ADCY8: variants seen among roughly 807,000 people sequenced by gnomAD.
ADCY8 encodes adenylate cyclase type 8.
In ADCY8, 51 loss-of-function variants were observed where a neutral mutation model predicts 119.7. The ratio of observed to expected loss-of-function variants is 0.43; its 90% confidence interval spans 0.34 to 0.54. ADCY8 has a LOEUF of 0.54. Among genes scored for constraint, ADCY8 ranks in the 20% least tolerant of loss-of-function variants. The probability of loss-of-function intolerance (pLI) is 0.03; values close to 1 mark genes in which losing one functional copy is unlikely to be tolerated. For missense variants in ADCY8, 1,383 were observed against 1,598.8 expected (o/e 0.87, Z 2.30); for synonymous variants, 665 against 651.0 (o/e 1.02, Z -0.33).
intron 9 of ADCY8, among the ~76,000 whole-genome samples, chr8:130,867,171 A>G (rs1391744652): frequency 6.6e-6 from 1 of 152,192 alleles, no homozygotes; most frequent in East Asian, 1.9e-4. Context: ...ACTAATCCAG[A>G]ACTAGGTTCA....
chr8:130,997,781 T>C (rs1027210987), intron 1 of ADCY8, among the ~76,000 whole-genome samples: 32 of 152,188 alleles, frequency 2.1e-4, no homozygotes, highest in African/African-American at 7.0e-4. Context: ...GGTAGTTCCA[T>C]GAAGGGTTAA....
intron 7 of ADCY8, among the ~76,000 whole-genome samples, chr8:130,893,657 GGTGTGT>G (rs113157821): frequency 0.18 from 26,173 of 148,864 alleles, 2,810 homozygotes; most frequent in African/African-American, 0.32. Flanking sequence ...GGGAGAAGAA[GGTGTGT>G]GTGTGTGTGT....
intron 1 of ADCY8, among the ~76,000 whole-genome samples, chr8:131,035,201 A>T (rs1824112608): frequency 6.6e-6 from 1 of 152,168 alleles, no homozygotes; most frequent in Admixed American, 6.5e-5. Flanking sequence ...AGGCTTATTT[A>T]ACTTGGATTG....
intron 5 of ADCY8, among the ~76,000 whole-genome samples, chr8:130,927,534 T>C (rs1820509090): frequency 6.6e-6 from 1 of 152,198 alleles, no homozygotes; most frequent in African/African-American, 2.4e-5. Flanking sequence ...TTTCTCCCAT[T>C]CTGTAGTTTA....
intron 9 of ADCY8, among the ~76,000 whole-genome samples, chr8:130,850,964 A>G (rs529239339): frequency 9.3e-4 from 142 of 152,202 alleles, no homozygotes; most frequent in South Asian, 4.1e-3. Context: ...TTTTTTCCAG[A>G]TGAAGATTCA....
At chr8:130,811,895 C>T (rs924670846) in intron 14 of ADCY8, among the ~76,000 whole-genome samples, 22 of 152,324 alleles carry the variant, frequency 1.4e-4, no homozygotes, top group African/African-American at 5.3e-4. Context: ...AAGACCAAAC[C>T]CATTCACATA....
chr8:130,860,660 C>T (rs181738777), intron 9 of ADCY8, among the ~76,000 whole-genome samples: 70 of 152,260 alleles, frequency 4.6e-4, no homozygotes, highest in Non-Finnish European at 3.1e-4. Context: ...TTCTGGGACA[C>T]ATTTGCAGAA....
chr8:130,969,812 A>C (rs953597742), intron 2 of ADCY8, among the ~76,000 whole-genome samples: 2 of 152,252 alleles, frequency 1.3e-5, no homozygotes, highest in Non-Finnish European at 1.5e-5. Flanking sequence ...AACAGGGAAC[A>C]GATAAGGAAA....
rs111880229 is a variant in ADCY8, at chr8:130,925,377, A to T, written c.1481+11696T>A. Among the ~76,000 whole-genome samples, 878 of 152,302 alleles carry T rather than the reference A, an allele frequency of 5.8e-3. 5 individuals are homozygous for T. The highest frequency in any genetic ancestry group is 0.017 in the Middle Eastern group (5 of 294). On this transcript the variant is annotated intron_variant, in intron 5 of 17. Coordinates refer to ENST00000286355, the MANE Select transcript of ADCY8 (RefSeq NM_001115.3). The stretch of plus-strand genomic sequence containing the variant: ...TCCCTTGCAATATTCTATTAAAAAT[A>T]TTTCCATAGTGATAACATGCATGCT...
intron 1 of ADCY8, 92 bp from the exon 2 acceptor site, chr8:130,990,634 A>G: frequency 6.7e-7 from 1 of 1,489,614 alleles, no homozygotes; most frequent in South Asian, 1.3e-5. Context: ...TTCCAAGGTA[A>G]ATCCTAATGT....
At chr8:130,949,830 A>G (rs1455395309) in intron 3 of ADCY8, among the ~76,000 whole-genome samples, 1 of 152,164 alleles carries the variant, frequency 6.6e-6, no homozygotes, top group Non-Finnish European at 1.5e-5. Context: ...TAGAACTAGT[A>G]TTGAAGAGTT....
At chr8:131,028,291 G>A (rs551339512) in intron 1 of ADCY8, among the ~76,000 whole-genome samples, 3 of 152,240 alleles carry the variant, frequency 2.0e-5, no homozygotes, top group African/African-American at 7.2e-5. Flanking sequence ...GATGGCTTGG[G>A]CAGGGCCCAA....
At chr8:130,861,006 A>G (rs1046485330) in intron 9 of ADCY8, among the ~76,000 whole-genome samples, 1 of 152,328 alleles carries the variant, frequency 6.6e-6, no homozygotes, top group East Asian at 1.9e-4. Flanking sequence ...CTTTGCTACA[A>G]ATCAATTGAT....
chr8:130,980,525 A>G (rs1057022320), intron 2 of ADCY8, among the ~76,000 whole-genome samples: 2 of 152,178 alleles, frequency 1.3e-5, no homozygotes, highest in African/African-American at 4.8e-5. Flanking sequence ...TGAGAAAGAG[A>G]ATTAACTGCT....
At chr8:130,998,104 G>T (rs545725948) in intron 1 of ADCY8, among the ~76,000 whole-genome samples, 36 of 152,248 alleles carry the variant, frequency 2.4e-4, no homozygotes, top group South Asian at 8.3e-4. Flanking sequence ...ATAATGTCCT[G>T]CTGTCATTCT....
chr8:130,896,447 C>CA (rs1563718160), intron 7 of ADCY8, among the ~76,000 whole-genome samples: 1 of 151,994 alleles, frequency 6.6e-6, no homozygotes, highest in African/African-American at 2.4e-5. Context: ...TTCATATTCA[C>CA]AAAAAAGAGG....
At chr8:130,963,800 C>T (rs976457317) in intron 2 of ADCY8, among the ~76,000 whole-genome samples, 9 of 152,060 alleles carry the variant, frequency 5.9e-5, no homozygotes, top group African/African-American at 1.9e-4. Context: ...TAGCTGAGAA[C>T]AGAAAGGAGG....
Position 130,821,392 on chromosome 8 carries a change from G to GTGA in ADCY8, c.2701_2703dup (p.Ser901dup). 1 of 1,613,414 alleles carries GTGA rather than the reference G, an allele frequency of 6.2e-7. No homozygotes were observed. The highest frequency in any genetic ancestry group is 8.5e-7 in the Non-Finnish European group (1 of 1,179,540). On this transcript the variant is annotated inframe_insertion, in exon 13 of 18. Coordinates refer to ENST00000286355, the MANE Select transcript of ADCY8 (RefSeq NM_001115.3). ...AGGAGGAACATGGCCATCAGTAGCA[G>GTGA]TGATACCTCCTTGGTCCCCAGGAAA... is the stretch of plus-strand genomic sequence containing the variant.
At chr8:130,985,075 C>A (rs1328022196) in intron 2 of ADCY8, among the ~76,000 whole-genome samples, 3 of 152,046 alleles carry the variant, frequency 2.0e-5, no homozygotes, top group Non-Finnish European at 4.4e-5. Flanking sequence ...AAACAGGAAT[C>A]TGAAAGACTG....
Sources: allele counts gnomAD v4.1 joint callset (sites outside exome capture counted in the v4.1 genomes callset), GRCh38; gene constraint gnomAD v4.1.1; transcripts MANE v1.5; gene names NCBI Gene and HGNC (gene_info 2026-07-23, HGNC 2026-07-21).